The following ARHGAP24 variants were observed in gnomAD, a reference collection of about 807,000 sequenced individuals.
The protein encoded by ARHGAP24 is Rho GTPase activating protein 24, also known as rho GTPase-activating protein 24.
In ARHGAP24, 50 loss-of-function variants were observed where a neutral mutation model predicts 76.4. The observed-to-expected ratio is 0.65, with a 90% confidence interval of 0.52 to 0.83. ARHGAP24 has a LOEUF of 0.83. ARHGAP24 is among the 40% of genes least tolerant of loss of function. The pLI is 0.00. For missense variants in ARHGAP24, 930 were observed against 914.2 expected (o/e 1.02, Z -0.22); for synonymous variants, 345 against 323.3 (o/e 1.07, Z -0.72).
chr4:85,908,115 T>C (rs143991884), intron 3 of ARHGAP24, among the ~76,000 whole-genome samples: 14 of 152,296 alleles, frequency 9.2e-5, no homozygotes, highest in Non-Finnish European at 1.3e-4. Flanking sequence ...CCTCTCCCCA[T>C]CTACACCACC....
At chr4:85,517,113 G>A (rs1724539474) in intron 1 of ARHGAP24, among the ~76,000 whole-genome samples, 1 of 151,984 alleles carries the variant, frequency 6.6e-6, no homozygotes, top group South Asian at 2.1e-4. Context: ...TTTCCCTTTT[G>A]TTCTGTTGGT....
chr4:85,781,568 A>C (rs1727555806), intron 3 of ARHGAP24, among the ~76,000 whole-genome samples: 1 of 152,118 alleles, frequency 6.6e-6, no homozygotes, highest in Non-Finnish European at 1.5e-5. Context: ...ATTTTTCTTT[A>C]ATTTTTAAAA....
chr4:85,837,370 A>G (rs146119853), intron 3 of ARHGAP24, among the ~76,000 whole-genome samples: 33 of 152,266 alleles, frequency 2.2e-4, no homozygotes, highest in Non-Finnish European at 4.3e-4. Context: ...AATTTCTAAC[A>G]TCATTCTTTA....
chr4:85,534,855 A>C (rs1325540843), intron 1 of ARHGAP24, among the ~76,000 whole-genome samples: 2 of 151,618 alleles, frequency 1.3e-5, no homozygotes, highest in Non-Finnish European at 2.9e-5. Flanking sequence ...ATAGGTGAAC[A>C]TGCTTGCTCT....
intron 1 of ARHGAP24, among the ~76,000 whole-genome samples, chr4:85,511,726 A>G (rs1259446743): frequency 1.3e-5 from 2 of 152,096 alleles, no homozygotes; most frequent in Non-Finnish European, 2.9e-5. Context: ...CGGCCTCCCA[A>G]AGTGCTGGGA....
At position 85,730,995 on chromosome 4, in the gene ARHGAP24, C is replaced by CAT. The variant is rs1350571071; in HGVS notation, c.268+9024_268+9025insTA. Among the ~76,000 whole-genome samples the CAT allele has an allele frequency of 4.6e-3, 506 of 109,300 alleles. 2 individuals are homozygous for CAT. Among genetic ancestry groups the CAT allele is most frequent in the African/African-American group, 0.015 (481 of 31,928 alleles). 71.7% of individuals were successfully genotyped at this position (109,300 alleles called of 152,430 possible). ...CTCATTTAATATAACTGCACACACA[C>CAT]ACACACACACACACACACACACACA... On this transcript the variant is annotated intron_variant, in intron 3 of 9. Transcript: ENST00000395184.
intron 2 of ARHGAP24, among the ~76,000 whole-genome samples, chr4:85,574,638 T>A (rs745380977): frequency 1.3e-5 from 2 of 152,160 alleles, no homozygotes; most frequent in East Asian, 3.9e-4. Context: ...TTCCAGAGCA[T>A]CTGTGATACT....
intron 3 of ARHGAP24, among the ~76,000 whole-genome samples, chr4:85,839,763 T>C (rs1730485285): frequency 6.6e-6 from 1 of 151,862 alleles, no homozygotes. Flanking sequence ...ATAATTTCAC[T>C]CTGTTGACTA....
At chr4:85,980,967 T>A (rs1441583253) in intron 8 of ARHGAP24, among the ~76,000 whole-genome samples, 1 of 152,176 alleles carries the variant, frequency 6.6e-6, no homozygotes, top group Non-Finnish European at 1.5e-5. Context: ...GGAAGAAAAT[T>A]CCAATTTTAC....
intron 8 of ARHGAP24, chr4:85,990,152 A>G (rs1376822853): frequency 6.6e-6 from 1 of 151,780 alleles, no homozygotes; most frequent in South Asian, 2.1e-4. Flanking sequence ...TACATACTAC[A>G]TTGGACAATT....
chr4:85,772,790 T>G lies in ARHGAP24; in HGVS notation c.268+50818T>G, dbSNP rs141979424. 3.0e-3 allele frequency among the ~76,000 whole-genome samples: 450 copies of G among 152,332 alleles called. 1 individual carries two copies. Among genetic ancestry groups the G allele is most frequent in the Non-Finnish European group, 4.5e-3 (307 of 68,028 alleles). On this transcript the variant is annotated intron_variant, in intron 3 of 9. Transcript: ENST00000395184. ...CATGCTGATGCCTAGGAAACCTAAT[T>G]TTCTGCCCATGAAATTTCCTAAGAT... is the stretch of plus-strand genomic sequence containing the variant.
chr4:85,732,917 C>A (rs1048937651), intron 3 of ARHGAP24, among the ~76,000 whole-genome samples: 1 of 150,796 alleles, frequency 6.6e-6, no homozygotes, highest in Admixed American at 6.6e-5. Flanking sequence ...AGGTTGGTCT[C>A]GAACTCCCAA....
intron 4 of ARHGAP24, among the ~76,000 whole-genome samples, chr4:85,941,161 T>C (rs922295982): frequency 1.3e-5 from 2 of 152,150 alleles, no homozygotes; most frequent in Non-Finnish European, 2.9e-5. Flanking sequence ...TTCCCCTCTT[T>C]CTCATAAGTT....
chr4:85,581,508 A>G (rs1160707175), intron 2 of ARHGAP24, among the ~76,000 whole-genome samples: 3 of 152,184 alleles, frequency 2.0e-5, no homozygotes, highest in Admixed American at 6.5e-5. Context: ...AATTGAATCT[A>G]TGGATAAGAG....
chr4:85,977,838 A>T (rs1250720897), intron 8 of ARHGAP24, 147 bp downstream of exon 8: 1 of 1,047,176 alleles, frequency 9.5e-7, no homozygotes, highest in Non-Finnish European at 1.4e-6. Context: ...TAAATGTAAA[A>T]ATCTTCCTTT....
intron 1 of ARHGAP24, among the ~76,000 whole-genome samples, chr4:85,534,689 A>G (rs1016704274): frequency 2.0e-5 from 3 of 152,214 alleles, no homozygotes; most frequent in Admixed American, 6.5e-5. Flanking sequence ...ATATTGTTCT[A>G]ATTCTTACCT....
chr4:85,598,296 G>T (rs540242845), intron 2 of ARHGAP24, among the ~76,000 whole-genome samples: 1 of 152,092 alleles, frequency 6.6e-6, no homozygotes, highest in South Asian at 2.1e-4. Flanking sequence ...GTCCAAATAT[G>T]TTGCTATTGT....
chr4:85,706,265 A>G (rs990719091), intron 2 of ARHGAP24, among the ~76,000 whole-genome samples: 8 of 152,232 alleles, frequency 5.3e-5, no homozygotes, highest in Non-Finnish European at 1.0e-4. Flanking sequence ...CCATTGAATC[A>G]CTGGATATAC....
chr4:85,860,411 C>T (rs1578311339), intron 3 of ARHGAP24, among the ~76,000 whole-genome samples: 2 of 152,164 alleles, frequency 1.3e-5, no homozygotes, highest in East Asian at 3.9e-4. Context: ...ATTTTTGTGA[C>T]ATCTCTTCAT....
Sources: gnomAD v4.1 joint callset for allele counts (sites outside exome capture counted in the v4.1 genomes callset) on GRCh38, gnomAD v4.1.1 for gene constraint, MANE v1.5 for transcripts, NCBI Gene and HGNC (gene_info 2026-07-23, HGNC 2026-07-21) for gene names.